Variants in PSD3 observed in about 807,000 individuals in gnomAD.
The protein encoded by PSD3 is PH and SEC7 domain-containing protein 3.
A neutral mutation model predicts 105.5 loss-of-function variants in PSD3; 49 were observed. The ratio of observed to expected loss-of-function variants is 0.46; its 90% CI spans 0.37 to 0.59. PSD3 has a LOEUF of 0.59. Among genes scored for constraint, PSD3 ranks in the 20% least tolerant of loss-of-function variants. The probability of loss-of-function intolerance (pLI) is 0.00; values close to 1 mark genes in which losing one functional copy is unlikely to be tolerated. For missense variants in PSD3, 1,561 were observed against 1,263.8 expected, an observed-to-expected ratio of 1.24 and a Z score of -3.57; for synonymous variants, 557 against 457.8, an observed-to-expected ratio of 1.22 and a Z score of -2.77.
At chr8:18,865,201 CAAACTGG>C (rs1816730978) in intron 4 of PSD3, 1 of 122,640 alleles carries the variant, frequency 8.2e-6, no homozygotes, top group Non-Finnish European at 1.7e-5. Context: ...GATATCCCAC[CAAACTGG>C]AATACAGATT....
chr8:18,569,327 T>G (rs905895029), intron 14 of PSD3, among the ~76,000 whole-genome samples: 1 of 137,092 alleles, frequency 7.3e-6, no homozygotes, highest in Non-Finnish European at 1.6e-5. Context: ...CCACCAACAG[T>G]GTAAAAGTGT....
chr8:18,897,473 T>G (rs1819224805), intron 2 of PSD3, among the ~76,000 whole-genome samples: 1 of 152,206 alleles, frequency 6.6e-6, no homozygotes, highest in Non-Finnish European at 1.5e-5. Flanking sequence ...TCTTCTTGCT[T>G]TGGCTATCCA....
rs557761314 is a variant in PSD3, at chr8:18,814,825, ATTCTC to A, written c.1635-9932_1635-9928del. On this transcript the variant is annotated intron_variant, in intron 4 of 15. Coordinates refer to ENST00000327040, the MANE Select transcript of PSD3 (RefSeq NM_015310.4). ...GAGTCTTCTTAAGATGCCATTGGACATTCTCTTCTGTCTGAATTTCTGTCAGGTTG... is the reference window on the plus strand; with the variant it reads ...GAGTCTTCTTAAGATGCCATTGGACATTCTGTCTGAATTTCTGTCAGGTTG... Among the ~76,000 whole-genome samples the A allele has an allele frequency of 2.7e-3, 415 of 152,296 alleles. 2 individuals are homozygous for A. The highest frequency in any genetic ancestry group is 4.3e-3 in the Non-Finnish European group (293 of 68,022).
intron 8 of PSD3, among the ~76,000 whole-genome samples, chr8:18,795,271 C>T (rs184014488): frequency 6.6e-6 from 1 of 152,238 alleles, no homozygotes; most frequent in East Asian, 1.9e-4. Flanking sequence ...GGGCATGATA[C>T]TCAACATGCT....
chr8:18,779,193 T>C (rs1367500549), intron 8 of PSD3, among the ~76,000 whole-genome samples: 1 of 152,216 alleles, frequency 6.6e-6, no homozygotes, highest in African/African-American at 2.4e-5. Context: ...AGTTTCCTCA[T>C]GTCCAGGAAT....
chr8:18,896,141 C>A (rs1819134337), intron 2 of PSD3, among the ~76,000 whole-genome samples: 1 of 152,232 alleles, frequency 6.6e-6, no homozygotes, highest in Non-Finnish European at 1.5e-5. Flanking sequence ...CCATGAATAA[C>A]AGAATTTCAT....
intron 9 of PSD3, among the ~76,000 whole-genome samples, chr8:18,659,182 T>C (rs1197635432): frequency 6.6e-6 from 1 of 152,136 alleles, no homozygotes; most frequent in East Asian, 1.9e-4. Flanking sequence ...CTCCTGAACT[T>C]CGCAGCCTCC....
chr8:19,074,611 A>AT lies in PSD3; in HGVS notation c.324+9594dup, dbSNP rs1206111403. ...TATATACATATATATATATATATAT[A>AT]TTTTTTTTTTTTTTTTTTTTTTTTT... On this transcript the variant is annotated intron_variant, in intron 1 of 1. Coordinates refer to the PSD3 transcript ENST00000521475. Among the ~76,000 whole-genome samples the AT allele has an allele frequency of 1.9e-3, 45 of 24,222 alleles. 1 individual carries two copies. The highest frequency in any genetic ancestry group is 7.7e-3 in the South Asian group (5 of 646). The allele number at this position is 24,222 out of a possible 152,430, so 15.9% of individuals were successfully genotyped here.
chr8:19,078,235 A>T (rs188919027), intron 1 of PSD3, among the ~76,000 whole-genome samples: 1 of 152,108 alleles, frequency 6.6e-6, no homozygotes, highest in African/African-American at 2.4e-5. Context: ...TTTTTACCGT[A>T]TCATAACCTG....
At chr8:18,586,558 G>C (rs979629514) in intron 12 of PSD3, among the ~76,000 whole-genome samples, 3 of 152,036 alleles carry the variant, frequency 2.0e-5, no homozygotes, top group Non-Finnish European at 4.4e-5. Context: ...GGCAGGGGGT[G>C]GTTTGTGTAT....
At chr8:18,797,829 T>C (rs138691434) in intron 8 of PSD3, among the ~76,000 whole-genome samples, 69 of 152,302 alleles carry the variant, frequency 4.5e-4, no homozygotes, top group Admixed American at 1.4e-3. Flanking sequence ...ATGCTAAACG[T>C]ACAACTCTTT....
chr8:18,885,313 A>G (rs1818385623), intron 2 of PSD3, among the ~76,000 whole-genome samples: 1 of 152,200 alleles, frequency 6.6e-6, no homozygotes, highest in Non-Finnish European at 1.5e-5. Context: ...GACAAAAAAA[A>G]GTTTAAACTA....
At chr8:18,937,980 A>C (rs1822260962) in intron 1 of PSD3, among the ~76,000 whole-genome samples, 1 of 152,194 alleles carries the variant, frequency 6.6e-6, no homozygotes, top group African/African-American at 2.4e-5. Flanking sequence ...AGAAAGCCAA[A>C]GTGGCCACAG....
intron 8 of PSD3, among the ~76,000 whole-genome samples, chr8:18,775,959 T>G (rs969265274): frequency 1.3e-5 from 2 of 152,174 alleles, no homozygotes; most frequent in African/African-American, 4.8e-5. Flanking sequence ...TCTTTTCTTC[T>G]AGTAGTTTCA....
intron 4 of PSD3, among the ~76,000 whole-genome samples, chr8:18,833,886 G>A (rs1280112270): frequency 6.6e-6 from 1 of 152,026 alleles, no homozygotes; most frequent in Admixed American, 6.6e-5. Flanking sequence ...CAACTAGTAA[G>A]ATAGTCAGTT....
At chr8:18,743,071 T>C (rs773904666) in intron 9 of PSD3, among the ~76,000 whole-genome samples, 54 of 152,314 alleles carry the variant, frequency 3.5e-4, no homozygotes, top group African/African-American at 1.1e-3. Flanking sequence ...TAAATATTGA[T>C]AGCAGGCTTC....
chr8:18,783,821 G>T (rs1808868786), intron 8 of PSD3, among the ~76,000 whole-genome samples: 1 of 152,172 alleles, frequency 6.6e-6, no homozygotes, highest in Admixed American at 6.5e-5. Context: ...CTGAAGTAGA[G>T]ATGGCATTTC....
Position 18,528,315 on chromosome 8 carries a change from A to G in PSD3, c.*7428T>C, listed in dbSNP as rs1423779690. 1 of 152,214 alleles carries G rather than the reference A, an allele frequency of 6.6e-6. No homozygotes were observed. The highest frequency in any genetic ancestry group is 2.4e-5 in the African/African-American group (1 of 41,452). The allele number at this position is 152,214 out of a possible 1,614,324, so 9.4% of individuals were successfully genotyped here. On this transcript the variant is annotated 3_prime_UTR_variant, in exon 16 of 16. Transcript: ENST00000327040. ...GCCATTTCCAGGAATCTGGGTGTGG[A>G]GGCAAAGATATCGTCCGTCCGTAGT...
intron 9 of PSD3, among the ~76,000 whole-genome samples, chr8:18,719,313 C>G (rs924557825): frequency 6.6e-6 from 1 of 152,144 alleles, no homozygotes; most frequent in African/African-American, 2.4e-5. Flanking sequence ...TTTTAAAAAT[C>G]TGAAACTGAG....
Sources: allele counts gnomAD v4.1 joint callset (sites outside exome capture counted in the v4.1 genomes callset), GRCh38; gene constraint gnomAD v4.1.1; transcripts MANE v1.5; gene names NCBI Gene and HGNC (gene_info 2026-07-23, HGNC 2026-07-21).